The following WWP2 variants were observed in gnomAD, a reference collection of about 807,000 sequenced individuals.
WWP2 encodes WW domain containing E3 ubiquitin protein ligase 2, also known as NEDD4-like E3 ubiquitin-protein ligase WWP2.
A neutral mutation model predicts 121.0 loss-of-function variants in WWP2; 57 were observed. The observed-to-expected ratio is 0.47, with a 90% CI of 0.38 to 0.59. The LOEUF is 0.59. Among genes scored for constraint, WWP2 ranks in the 20% least tolerant of loss-of-function variants. The pLI, the probability that WWP2 is intolerant of heterozygous loss-of-function variation, is 0.00. For missense variants in WWP2, 962 were observed against 1,158.9 expected (o/e 0.83, Z 2.47); for synonymous variants, 449 against 441.3 (o/e 1.02, Z -0.22).
intron 2 of WWP2, among the ~76,000 whole-genome samples, chr16:69,789,313 TC>T (rs1597667871): frequency 1.3e-5 from 2 of 152,152 alleles, no homozygotes; most frequent in East Asian, 3.9e-4. Flanking sequence ...CACTGTAACC[TC>T]CGCCTCCCGG....
At chr16:69,801,486 T>C (rs979204209) in intron 4 of WWP2, among the ~76,000 whole-genome samples, 2 of 152,098 alleles carry the variant, frequency 1.3e-5, no homozygotes, top group Non-Finnish European at 2.9e-5. Context: ...CCGCCTGCCT[T>C]GGCCTTCCAA....
chr16:69,772,756 T>G (rs2151769888), intron 1 of WWP2, among the ~76,000 whole-genome samples: 2 of 152,184 alleles, frequency 1.3e-5, no homozygotes, highest in Middle Eastern at 6.8e-3. Context: ...CTTCCCTGTT[T>G]CAGCCAGTCT....
rs145327694 is a variant in WWP2, at chr16:69,888,115, C to T, written c.780C>T (p.Pro260=). 1 of 1,614,210 alleles carries T rather than the reference C, an allele frequency of 6.2e-7. No individual in the cohort carries two copies. Residue 260 remains proline (P), a synonymous_variant, in exon 8 of 24, where the codon CCC becomes CCT. Transcript: ENST00000359154. ...GTGTGACGTCCCCACCTGCTGCACC[C>T]TTGAGTGTGACCCCGAATCCCAACA... The part of the protein sequence containing the change: ...VVGVTSPPAA[P]LSVTPNPNTT...
At chr16:69,836,365 G>T (rs1042659959) in intron 4 of WWP2, among the ~76,000 whole-genome samples, 1 of 151,494 alleles carries the variant, frequency 6.6e-6, no homozygotes, top group East Asian at 1.9e-4. Context: ...TTGTATGGAT[G>T]TCTCACATTC....
chr16:69,900,214 TAAA>T (rs1214915268), intron 8 of WWP2, among the ~76,000 whole-genome samples: 1 of 152,370 alleles, frequency 6.6e-6, no homozygotes, highest in East Asian at 1.9e-4. Flanking sequence ...ATTCACATAA[TAAA>T]GGTTTTTTGG....
chr16:69,862,226 C>T (rs370966343), intron 6 of WWP2, among the ~76,000 whole-genome samples: 24 of 151,822 alleles, frequency 1.6e-4, no homozygotes, highest in African/African-American at 4.1e-4. Flanking sequence ...CCACCATGCC[C>T]GGCTAATTTT....
At chr16:69,938,780 T>C (rs1013022409) in intron 21 of WWP2, among the ~76,000 whole-genome samples, 1 of 152,234 alleles carries the variant, frequency 6.6e-6, no homozygotes, top group African/African-American at 2.4e-5. Flanking sequence ...GGGAAGAGAA[T>C]ACCCAGCCTG....
At chr16:69,905,309 C>T (rs1315228657) in intron 8 of WWP2, among the ~76,000 whole-genome samples, 1 of 152,106 alleles carries the variant, frequency 6.6e-6, no homozygotes, top group Non-Finnish European at 1.5e-5. Context: ...TGTGTAGAAC[C>T]TCCAGATCTC....
chr16:69,860,701 G>A (rs1184635311), intron 6 of WWP2, among the ~76,000 whole-genome samples: 5 of 151,956 alleles, frequency 3.3e-5, no homozygotes, highest in East Asian at 1.9e-4. Flanking sequence ...GTGATTTGTC[G>A]TGTCAGAACA....
intron 8 of WWP2, among the ~76,000 whole-genome samples, chr16:69,888,713 T>G (rs1408056647): frequency 6.6e-6 from 1 of 152,026 alleles, no homozygotes; most frequent in Admixed American, 6.6e-5. Context: ...GCCATCCTTT[T>G]TTTTTTTTAG....
At chr16:69,922,422 G>T (rs1317269658) in intron 10 of WWP2, among the ~76,000 whole-genome samples, 1 of 152,164 alleles carries the variant, frequency 6.6e-6, no homozygotes, top group Non-Finnish European at 1.5e-5. Flanking sequence ...GAGCTCTCTG[G>T]CTCATGGCCT....
At chr16:69,881,277 G>T (rs2057824593) in intron 7 of WWP2, among the ~76,000 whole-genome samples, 1 of 152,204 alleles carries the variant, frequency 6.6e-6, no homozygotes, top group South Asian at 2.1e-4. Context: ...GTTCTGGTTT[G>T]AGTACTGGTT....
At chr16:69,811,988 C>T (rs554737545) in intron 4 of WWP2, among the ~76,000 whole-genome samples, 8 of 152,096 alleles carry the variant, frequency 5.3e-5, no homozygotes, top group African/African-American at 1.9e-4. Context: ...AGAAATTTCC[C>T]GTTTTTGCAG....
At chr16:69,878,331 C>T (rs899740374) in intron 7 of WWP2, among the ~76,000 whole-genome samples, 4 of 152,152 alleles carry the variant, frequency 2.6e-5, no homozygotes, top group African/African-American at 9.7e-5. Context: ...AATAGACCTG[C>T]TGGATGTCAG....
chr16:69,897,511 G>C (rs2058123540), intron 8 of WWP2, among the ~76,000 whole-genome samples: 1 of 152,162 alleles, frequency 6.6e-6, no homozygotes, highest in African/African-American at 2.4e-5. Flanking sequence ...CCTGTATACA[G>C]TGATACATGG....
Position 69,925,072 on chromosome 16 carries a change from G to A in WWP2, c.1180-358G>A, listed in dbSNP as rs1461271102. 42 of 1,035,734 alleles carry A rather than the reference G, an allele frequency of 4.1e-5. No homozygotes were observed. Among genetic ancestry groups the A allele is most frequent in the Non-Finnish European group, 4.5e-5 (39 of 862,980 alleles). The allele number at this position is 1,035,734 out of a possible 1,614,324, so 64.2% of individuals were successfully genotyped here. A position where few individuals can be genotyped will look rare whatever the true frequency, so the allele number is the denominator to read the frequency against. On this transcript the variant is annotated intron_variant, in intron 10 of 23. Transcript: ENST00000359154. The surrounding 1 kb of genome is among the most constrained non-coding windows in gnomAD (Gnocchi z 4.0). ...TGGCCGCCTTGAGCCGGAGCTGAGC[G>A]GAGGCACTGGGCCGAGCCTGCTTCC... is the stretch of plus-strand genomic sequence containing the variant.
chr16:69,910,212 A>G, intron 9 of WWP2: 1 of 311,132 alleles, frequency 3.2e-6, no homozygotes, highest in Non-Finnish European at 4.7e-6. Flanking sequence ...ATGTATTTCT[A>G]AAACATATTC....
chr16:69,896,801 C>T (rs1191750369), intron 8 of WWP2, among the ~76,000 whole-genome samples: 1 of 151,660 alleles, frequency 6.6e-6, no homozygotes, highest in Non-Finnish European at 1.5e-5. Context: ...GGGGACTGCC[C>T]AGTTTCCTAC....
At chr16:69,781,788 GC>G (rs1436673693) in intron 1 of WWP2, among the ~76,000 whole-genome samples, 2 of 152,060 alleles carry the variant, frequency 1.3e-5, no homozygotes, top group Non-Finnish European at 2.9e-5. Flanking sequence ...AAGGTGGAGG[GC>G]CCACATCCTG....
Sources: allele counts gnomAD v4.1 joint callset (sites outside exome capture counted in the v4.1 genomes callset), GRCh38; gene constraint gnomAD v4.1.1; non-coding constraint Gnocchi (gnomAD v3.1); transcripts MANE v1.5; gene names NCBI Gene and HGNC (gene_info 2026-07-23, HGNC 2026-07-21).